The following ACAP2 variants were observed in gnomAD, a reference collection of about 807,000 sequenced individuals.
ACAP2 encodes arf-GAP with coiled-coil, ANK repeat and PH domain-containing protein 2.
A neutral mutation model predicts 115.8 loss-of-function variants in ACAP2; 39 were observed. That is an observed-to-expected ratio of 0.34 (90% CI 0.26 to 0.44). The LOEUF is 0.44. ACAP2 is among the 20% of genes least tolerant of loss of function. The probability of loss-of-function intolerance (pLI) is 1.00; values close to 1 mark genes in which losing one functional copy is unlikely to be tolerated. For synonymous variants in ACAP2, 289 were observed against 315.8 expected (o/e 0.92, Z 0.90); for missense variants, 662 against 927.6 (o/e 0.71, Z 3.72).
rs1017756797 is a variant in ACAP2, at chr3:195,295,951, C to T, written c.1488-59G>A. On this transcript the variant is annotated intron_variant, in intron 16 of 22. Transcript: ENST00000326793. ...TAATCTCTCAGCATGGCTAATACCACAACAAGCCATTATATACTGAACATA... is the reference window on the plus strand; with the variant it reads ...TAATCTCTCAGCATGGCTAATACCATAACAAGCCATTATATACTGAACATA... 4.3e-6 allele frequency: 6 copies of T among 1,410,688 alleles called. No homozygotes were observed. The African/African-American group carries it at 5.7e-5, about 13-fold the overall frequency. 87.4% of individuals were successfully genotyped at this position (1,410,688 alleles called of 1,614,324 possible). A position where few individuals can be genotyped will look rare whatever the true frequency, so the allele number is the denominator to read the frequency against.
chr3:195,421,840 C>T (rs1714218134), intron 1 of ACAP2, among the ~76,000 whole-genome samples: 1 of 151,984 alleles, frequency 6.6e-6, no homozygotes, highest in Admixed American at 6.6e-5. Context: ...TTCTAAATAC[C>T]TTAAAATATG....
chr3:195,421,520 A>G (rs1714189093), intron 1 of ACAP2, among the ~76,000 whole-genome samples: 1 of 152,216 alleles, frequency 6.6e-6, no homozygotes, highest in African/African-American at 2.4e-5. Flanking sequence ...AAACCAAAAG[A>G]GATGCCATTG....
chr3:195,295,162 C>T, intron 17 of ACAP2: 1 of 1,207,588 alleles, frequency 8.3e-7, no homozygotes, highest in Non-Finnish European at 1.1e-6. Flanking sequence ...ACCACTGGCA[C>T]AGACTTGGAA....
rs375250784 is a variant in ACAP2 at position 195,392,051 on chromosome 3, G to A, written c.111+39C>T. 5.6e-5 allele frequency: 86 copies of A among 1,534,204 alleles called. No individual in the cohort carries two copies. In the Middle Eastern group the frequency reaches 8.5e-4, roughly 15 times the overall value. ...GTACTAATCATTATTTACAGCAAAC[G>A]AGAATCAATGTTTCAAAAAGCTAAC... On this transcript the variant is annotated intron_variant, in intron 2 of 22. Transcript: ENST00000326793.
At chr3:195,327,111 A>T in intron 8 of ACAP2, 152 bp from the exon 9 acceptor site, 1 of 731,460 alleles carries the variant, frequency 1.4e-6, no homozygotes, top group Non-Finnish European at 2.2e-6. Context: ...GTAGAAGTTC[A>T]TATTTTTTTC....
intron 8 of ACAP2, among the ~76,000 whole-genome samples, chr3:195,332,568 C>T (rs1162882357): frequency 6.6e-6 from 1 of 152,096 alleles, no homozygotes; most frequent in Admixed American, 6.6e-5. Flanking sequence ...ACATCAAGTC[C>T]TCCTTGATAT....
At chr3:195,366,364 G>T (rs2108712648) in intron 4 of ACAP2, among the ~76,000 whole-genome samples, 1 of 152,284 alleles carries the variant, frequency 6.6e-6, no homozygotes, top group East Asian at 1.9e-4. Context: ...CTACCCAGTG[G>T]TTCTCAAATT....
At chr3:195,438,794 T>C (rs1406173334) in intron 1 of ACAP2, among the ~76,000 whole-genome samples, 1 of 152,222 alleles carries the variant, frequency 6.6e-6, no homozygotes, top group East Asian at 1.9e-4. Context: ...GCATGGTGGC[T>C]TATGCCTGTA....
chr3:195,319,543 C>T (rs1729311776), intron 10 of ACAP2, among the ~76,000 whole-genome samples: 1 of 152,226 alleles, frequency 6.6e-6, no homozygotes, highest in Non-Finnish European at 1.5e-5. Flanking sequence ...GAATGTGAGA[C>T]ATGGAGTCAA....
At chr3:195,417,516 A>T (rs184882023) in intron 1 of ACAP2, among the ~76,000 whole-genome samples, 1 of 152,100 alleles carries the variant, frequency 6.6e-6, no homozygotes, top group Non-Finnish European at 1.5e-5. Flanking sequence ...ATCTCCACTA[A>T]CTACCAAAAG....
chr3:195,295,818 G>A lies in ACAP2; in HGVS notation c.1562C>T (p.Ser521Leu). The A allele has an allele frequency of 6.2e-7, 1 of 1,613,994 alleles. No individual in the cohort carries two copies. Among genetic ancestry groups the A allele is most frequent in the Non-Finnish European group, 8.5e-7 (1 of 1,179,956 alleles). The change falls in exon 17 of 23, where the codon TCA (serine) becomes TTA (leucine). Residue 521 changes from serine (S) to leucine (L), a missense_variant. This residue lies in a region of ACAP2 where 133 missense variants were observed against 123.1 expected (regional missense o/e 1.08). Transcript: ENST00000326793. The part of the protein sequence containing the change: ...KFVDKYSISL[S>L]PPEQQKKFVS... ...AAACTTTTTTTGCTGCTCAGGAGGTGATAATGATATAGAATATTTATCCAC... is the reference window on the plus strand; with the variant it reads ...AAACTTTTTTTGCTGCTCAGGAGGTAATAATGATATAGAATATTTATCCAC...
intron 10 of ACAP2, 37 bp from the exon 11 acceptor site, chr3:195,308,874 A>G (rs1428214878): frequency 6.5e-7 from 1 of 1,527,472 alleles, no homozygotes; most frequent in South Asian, 1.2e-5. Flanking sequence ...TTTCATAAAC[A>G]TAATTTATTT....
intron 2 of ACAP2, among the ~76,000 whole-genome samples, chr3:195,383,299 GTAAA>G (rs150060752): frequency 0.021 from 3,235 of 152,018 alleles, 106 homozygotes; most frequent in East Asian, 0.1. Context: ...TAAAAAGATA[GTAAA>G]TAAAAGTCTG....
intron 1 of ACAP2, among the ~76,000 whole-genome samples, chr3:195,435,190 T>G (rs1340428296): frequency 6.6e-6 from 1 of 151,882 alleles, no homozygotes; most frequent in Non-Finnish European, 1.5e-5. Flanking sequence ...TCTCTTTTTT[T>G]TTTAGACAGA....
intron 6 of ACAP2, among the ~76,000 whole-genome samples, chr3:195,341,321 G>GTTTTTTTTTTTTTT (rs377628235): frequency 9.3e-6 from 1 of 107,070 alleles, no homozygotes. Context: ...TATTGTGTGG[G>GTTTTTTTTTTTTTT]TTTTTTTTTT....
At chr3:195,435,102 T>C (rs1302270099) in intron 1 of ACAP2, among the ~76,000 whole-genome samples, 1 of 151,978 alleles carries the variant, frequency 6.6e-6, no homozygotes, top group African/African-American at 2.4e-5. Context: ...TTTTAGTTTC[T>C]TCCCTTTCGC....
rs1317549131 is a variant in ACAP2, at chr3:195,276,286, T to C, written c.*3042A>G. The C allele has an allele frequency of 6.6e-6, 1 of 152,246 alleles. No individual in the cohort carries two copies. Among genetic ancestry groups the C allele is most frequent in the African/African-American group, 2.4e-5 (1 of 41,464 alleles). The allele number at this position is 152,246 out of a possible 1,614,324, so 9.4% of individuals were successfully genotyped here. A position where few individuals can be genotyped will look rare whatever the true frequency, so the allele number is the denominator to read the frequency against. On this transcript the variant is annotated 3_prime_UTR_variant, in exon 23 of 23. Coordinates refer to ENST00000326793, the MANE Select transcript of ACAP2 (RefSeq NM_012287.6). ...TAACCAATCAAAGTTCATTAAAATA[T>C]ACAGTGAAAACCGGTATAAATTAGG...
intron 4 of ACAP2, among the ~76,000 whole-genome samples, chr3:195,356,593 G>A (rs1044150763): frequency 6.6e-6 from 1 of 152,120 alleles, no homozygotes; most frequent in African/African-American, 2.4e-5. Flanking sequence ...TCCTTGAGAA[G>A]AGGAGAGGAA....
At chr3:195,395,181 C>T (rs142587738) in intron 1 of ACAP2, among the ~76,000 whole-genome samples, 127 of 152,238 alleles carry the variant, frequency 8.3e-4, no homozygotes, top group South Asian at 1.4e-3. Context: ...AAGCACATAA[C>T]TTTTATAAAA....
Sources: gnomAD v4.1 joint callset for allele counts (sites outside exome capture counted in the v4.1 genomes callset) on GRCh38, gnomAD v4.1.1 for gene constraint, gnomAD v4.1.1 regional missense constraint, MANE v1.5 for transcripts, NCBI Gene and HGNC (gene_info 2026-07-23, HGNC 2026-07-21) for gene names.